SAMD12: variants seen among roughly 807,000 people sequenced by gnomAD.
The protein encoded by SAMD12 is sterile alpha motif domain containing 12.
Under a neutral mutation model 15.0 loss-of-function variants are expected in SAMD12, and 9 were observed. That is an observed-to-expected ratio of 0.60 (90% confidence interval 0.36 to 1.05). The LOEUF (loss-of-function observed/expected upper bound fraction) is 1.05, where lower values mean the gene tolerates loss of function less well. SAMD12 is among the 50% of genes least tolerant of loss of function. SAMD12 has a pLI of 0.01. For synonymous variants in SAMD12, 86 were observed against 90.1 expected, an observed-to-expected ratio of 0.96 and a Z score of 0.25; for missense variants, 230 against 234.2, an observed-to-expected ratio of 0.98 and a Z score of 0.12.
At position 118,586,344 on chromosome 8, in the gene SAMD12, C is replaced by CT. The variant is rs869191799; in HGVS notation, c.14-5452dup. On this transcript the variant is annotated intron_variant, in intron 1 of 3. Transcript: ENST00000314727. ...AAAAACACTTCTCCTCTTTTTCTTT[C>CT]TTTTTTTTTTTTTTTTGAGACAGTG... 8.7e-3 allele frequency among the ~76,000 whole-genome samples: 1,223 copies of CT among 139,848 alleles called. 8 individuals are homozygous for CT. The highest frequency in any genetic ancestry group is 0.015 in the African/African-American group (575 of 37,858). 91.7% of individuals were successfully genotyped at this position (139,848 alleles called of 152,430 possible).
intron 4 of SAMD12, among the ~76,000 whole-genome samples, chr8:118,290,368 TTGAC>T (rs1814296072): frequency 6.6e-6 from 1 of 152,158 alleles, no homozygotes; most frequent in Non-Finnish European, 1.5e-5. Flanking sequence ...TACTCTAGCC[TTGAC>T]TGTGCCTTAA....
At chr8:118,544,064 C>G (rs1826059408) in intron 2 of SAMD12, among the ~76,000 whole-genome samples, 1 of 151,922 alleles carries the variant, frequency 6.6e-6, no homozygotes, top group Admixed American at 6.6e-5. Context: ...ATCCACCCTA[C>G]CCATCCCACC....
chr8:118,229,020 A>C (rs752735142), intron 4 of SAMD12, among the ~76,000 whole-genome samples: 52 of 152,304 alleles, frequency 3.4e-4, no homozygotes, highest in Middle Eastern at 3.4e-3. Flanking sequence ...TATTATTCTA[A>C]GTGAAGTATG....
the SAMD12 span, among the ~76,000 whole-genome samples, chr8:118,162,782 T>C: frequency 1.3e-5 from 2 of 152,052 alleles, no homozygotes; most frequent in African/African-American, 2.4e-5. Flanking sequence ...ATGGAGACAA[T>C]GGTTGGTAAA....
intron 2 of SAMD12, among the ~76,000 whole-genome samples, chr8:118,558,064 C>A (rs951878247): frequency 6.6e-6 from 1 of 152,150 alleles, no homozygotes; most frequent in Non-Finnish European, 1.5e-5. Flanking sequence ...TTTGCCATTA[C>A]AAATAATTCT....
At chr8:118,168,441 G>A in the SAMD12 span, among the ~76,000 whole-genome samples, 5,365 of 152,236 alleles carry the variant, frequency 0.035, 303 homozygotes, top group African/African-American at 0.12. Flanking sequence ...TTCTGACCAC[G>A]TGTGTAGCAT....
intron 2 of SAMD12, among the ~76,000 whole-genome samples, chr8:118,548,867 G>C (rs1053980280): frequency 2.6e-5 from 4 of 152,228 alleles, no homozygotes; most frequent in South Asian, 4.1e-4. Context: ...GGTGCACCAC[G>C]AGATTATATC....
At chr8:118,423,431 C>A (rs1421824039) in intron 3 of SAMD12, among the ~76,000 whole-genome samples, 1 of 152,126 alleles carries the variant, frequency 6.6e-6, no homozygotes, top group East Asian at 1.9e-4. Context: ...AGGCAAACAA[C>A]ATATATACAC....
chr8:118,543,892 C>T (rs1826053848), intron 2 of SAMD12, among the ~76,000 whole-genome samples: 1 of 152,096 alleles, frequency 6.6e-6, no homozygotes, highest in African/African-American at 2.4e-5. Flanking sequence ...CCTTTATCTC[C>T]AGGGTCTCTC....
chr8:118,470,159 A>G (rs975243752), intron 2 of SAMD12, among the ~76,000 whole-genome samples: 21 of 152,206 alleles, frequency 1.4e-4, no homozygotes, highest in African/African-American at 4.1e-4. Flanking sequence ...GCAAATCTCT[A>G]AACACTATTA....
chr8:118,360,579 G>A (rs1236719671), intron 4 of SAMD12, among the ~76,000 whole-genome samples: 1 of 152,060 alleles, frequency 6.6e-6, no homozygotes, highest in South Asian at 2.1e-4. Context: ...AAAAGGTAGA[G>A]TTGAAAGTAT....
intron 2 of SAMD12, among the ~76,000 whole-genome samples, chr8:118,487,457 G>C (rs1824322028): frequency 6.6e-6 from 1 of 152,158 alleles, no homozygotes; most frequent in South Asian, 2.1e-4. Context: ...AGTCATATAA[G>C]GTTTAAAGGA....
At chr8:118,362,979 T>C (rs1195147603) in intron 4 of SAMD12, among the ~76,000 whole-genome samples, 2 of 152,160 alleles carry the variant, frequency 1.3e-5, no homozygotes, top group African/African-American at 4.8e-5. Context: ...ACACCACATA[T>C]TCCTAGCAGC....
At chr8:118,157,373 C>G in the SAMD12 span, among the ~76,000 whole-genome samples, 55 of 152,206 alleles carry the variant, frequency 3.6e-4, no homozygotes, top group South Asian at 0.011. Context: ...ATATATAAAT[C>G]CATGGAACAC....
At chr8:118,361,998 G>A (rs989815261) in intron 4 of SAMD12, among the ~76,000 whole-genome samples, 2 of 151,958 alleles carry the variant, frequency 1.3e-5, no homozygotes, top group Non-Finnish European at 2.9e-5. Flanking sequence ...ACAAATGATT[G>A]TCCCTGACAA....
intron 4 of SAMD12, among the ~76,000 whole-genome samples, chr8:118,368,051 C>CA (rs1818887346): frequency 6.6e-6 from 1 of 152,116 alleles, no homozygotes; most frequent in South Asian, 2.1e-4. Flanking sequence ...ATAATTCCCT[C>CA]AAAAAACATG....
At chr8:118,359,106 A>G (rs1000539535) in intron 4 of SAMD12, among the ~76,000 whole-genome samples, 2 of 152,072 alleles carry the variant, frequency 1.3e-5, no homozygotes, top group African/African-American at 2.4e-5. Context: ...CCCCCAATTA[A>G]TATGTTAAAA....
At chr8:118,530,191 T>C (rs1350244625) in intron 2 of SAMD12, among the ~76,000 whole-genome samples, 1 of 152,234 alleles carries the variant, frequency 6.6e-6, no homozygotes. Flanking sequence ...TGTCTGTTCA[T>C]GTCCTTTGCC....
chr8:118,544,350 C>T (rs61746071), intron 2 of SAMD12, among the ~76,000 whole-genome samples: 2,564 of 152,150 alleles, frequency 0.017, 78 homozygotes, highest in African/African-American at 0.058. Context: ...TTGAAGGATG[C>T]ACAATAGGGC....
Sources: allele counts gnomAD v4.1 joint callset (sites outside exome capture counted in the v4.1 genomes callset), GRCh38; gene constraint gnomAD v4.1.1; transcripts MANE v1.5; gene names NCBI Gene and HGNC (gene_info 2026-07-23, HGNC 2026-07-21).